SULT1B1: variants seen among roughly 807,000 people sequenced by gnomAD.
SULT1B1 encodes sulfotransferase family 1B member 1.
Under a neutral mutation model 34.6 loss-of-function variants are expected in SULT1B1, and 28 were observed. That is an observed-to-expected ratio of 0.81 (90% CI 0.60 to 1.11). SULT1B1 has a LOEUF of 1.11. SULT1B1 is among the 50% of genes least tolerant of loss of function. SULT1B1 has a pLI of 0.00. For missense variants in SULT1B1, 374 were observed against 352.2 expected (o/e 1.06, Z -0.50); for synonymous variants, 147 against 110.2 (o/e 1.33, Z -2.09).
chr4:69,740,851 A>G (rs1456378673), intron 4 of SULT1B1, among the ~76,000 whole-genome samples: 1 of 152,104 alleles, frequency 6.6e-6, no homozygotes, highest in Non-Finnish European at 1.5e-5. Flanking sequence ...TAGTTTGTAA[A>G]TATTTTCTCG....
intron 7 of SULT1B1, among the ~76,000 whole-genome samples, chr4:69,728,369 C>T (rs1486235904): frequency 2.0e-5 from 3 of 151,984 alleles, no homozygotes; most frequent in South Asian, 2.1e-4. Flanking sequence ...TAATCTATCC[C>T]ACCCTCATAA....
chr4:69,748,574 C>T, intron 4 of SULT1B1, among the ~76,000 whole-genome samples: 1 of 152,134 alleles, frequency 6.6e-6, no homozygotes, highest in East Asian at 1.9e-4. Flanking sequence ...GAATATGCAA[C>T]CTGCTCAAGA....
intron 4 of SULT1B1, 63 bp downstream of exon 4, chr4:69,749,658 A>C (rs962435353): frequency 8.6e-7 from 1 of 1,162,914 alleles, no homozygotes; most frequent in Non-Finnish European, 1.3e-6. Flanking sequence ...TAAAAAATAA[A>C]CTATGTGAGT....
At chr4:69,742,014 T>C (rs1373007379) in intron 4 of SULT1B1, among the ~76,000 whole-genome samples, 1 of 152,212 alleles carries the variant, frequency 6.6e-6, no homozygotes, top group Non-Finnish European at 1.5e-5. Flanking sequence ...TGGTTTGTCA[T>C]AGACTGCTCT....
At chr4:69,741,514 G>T (rs1718552572) in intron 4 of SULT1B1, among the ~76,000 whole-genome samples, 1 of 152,086 alleles carries the variant, frequency 6.6e-6, no homozygotes, top group Non-Finnish European at 1.5e-5. Flanking sequence ...TCCTATACAT[G>T]GGCATGAAAT....
chr4:69,737,640 T>C (rs534819483), intron 4 of SULT1B1, among the ~76,000 whole-genome samples: 1 of 152,054 alleles, frequency 6.6e-6, no homozygotes, highest in Non-Finnish European at 1.5e-5. Flanking sequence ...GTTGACACCA[T>C]TAGACTGTGA....
intron 4 of SULT1B1, among the ~76,000 whole-genome samples, chr4:69,739,709 G>T (rs1299492843): frequency 6.6e-6 from 1 of 152,204 alleles, no homozygotes; most frequent in African/African-American, 2.4e-5. Context: ...GCAGTCAACT[G>T]GCTTGAATTT....
chr4:69,729,703 A>C (rs1043037606), intron 7 of SULT1B1, among the ~76,000 whole-genome samples: 1 of 152,104 alleles, frequency 6.6e-6, no homozygotes, highest in Non-Finnish European at 1.5e-5. Context: ...GTTAATATGC[A>C]TAATACATTC....
chr4:69,723,426 A>T lies in SULT1B1; in HGVS notation c.*3662T>A, dbSNP rs1408634991. 1 of 152,258 alleles carries T rather than the reference A, an allele frequency of 6.6e-6. No homozygotes were observed. The highest frequency in any genetic ancestry group is 1.5e-5 in the Non-Finnish European group (1 of 68,070). 9.4% of individuals were successfully genotyped at this position (152,258 alleles called of 1,614,324 possible). ...GAAGTCCAGGACCAGATAGATTCAC[A>T]GCTGAATTCTACCAGAGGTCCAAGG... On this transcript the variant is annotated 3_prime_UTR_variant, in exon 8 of 8. Coordinates refer to ENST00000310613, the MANE Select transcript of SULT1B1 (RefSeq NM_014465.4).
In SULT1B1 at chr4:69,722,570, C is replaced by A. The variant is rs954755017; in HGVS notation, c.*4518G>T. The stretch of plus-strand genomic sequence containing the variant: ...AATATGTTTCTGTGGAACATAAACA[C>A]AAATTATATACTCTAAAATACTTTA... On this transcript the variant is annotated 3_prime_UTR_variant, in exon 8 of 8. Transcript: ENST00000310613. 3 of 152,048 alleles carry A rather than the reference C, an allele frequency of 2.0e-5. No homozygotes were observed. The highest frequency in any genetic ancestry group is 4.4e-5 in the Non-Finnish European group (3 of 68,000). 9.4% of individuals were successfully genotyped at this position (152,048 alleles called of 1,614,324 possible).
intron 4 of SULT1B1, among the ~76,000 whole-genome samples, chr4:69,746,699 C>A (rs1360376153): frequency 1.3e-5 from 2 of 152,110 alleles, no homozygotes; most frequent in African/African-American, 4.8e-5. Context: ...TCTGTCATTT[C>A]AACAATTTCA....
rs890828625 is a variant in SULT1B1 at position 69,725,758 on chromosome 4, A to C, written c.*1330T>G. ...AAGCTGGAAACCATACTTTTCAGCAAACTATTGCAAGAACAAAAAAACCAA... is the reference window on the plus strand; with the variant it reads ...AAGCTGGAAACCATACTTTTCAGCACACTATTGCAAGAACAAAAAAACCAA... On this transcript the variant is annotated 3_prime_UTR_variant, in exon 8 of 8. Transcript: ENST00000310613. 1 of 151,916 alleles carries C rather than the reference A, an allele frequency of 6.6e-6. No homozygotes were observed. Among genetic ancestry groups the C allele is most frequent in the African/African-American group, 2.4e-5 (1 of 41,376 alleles). The allele number at this position is 151,916 out of a possible 1,614,324, so 9.4% of individuals were successfully genotyped here.
chr4:69,730,264 T>C (rs534260367), intron 7 of SULT1B1, among the ~76,000 whole-genome samples: 1 of 152,182 alleles, frequency 6.6e-6, no homozygotes, highest in Non-Finnish European at 1.5e-5. Flanking sequence ...CACTCTCATT[T>C]AGCACAGTAG....
In SULT1B1 at chr4:69,726,366, T is replaced by C. The variant is rs561934439; in HGVS notation, c.*722A>G. 1.5e-4 allele frequency: 22 copies of C among 151,650 alleles called. No homozygotes were observed. The highest frequency in any genetic ancestry group is 5.3e-4 in the African/African-American group (22 of 41,372). 9.4% of individuals were successfully genotyped at this position (151,650 alleles called of 1,614,324 possible). ...GTGATTTCTCTGAAGTTCAAACGGG[T>C]CTGTTGGGAAAAAGAGGACTCCCCA... On this transcript the variant is annotated 3_prime_UTR_variant, in exon 8 of 8. Transcript: ENST00000310613.
chr4:69,733,129 A>G lies in SULT1B1; in HGVS notation c.597+284T>C, dbSNP rs189554242. ...AATATTAATGAGTAGATATCTAAGG[A>G]TAACTGTAAGCATGTGATATCCTGG... On this transcript the variant is annotated intron_variant, in intron 6 of 7. Coordinates refer to ENST00000310613, the MANE Select transcript of SULT1B1 (RefSeq NM_014465.4). Among the ~76,000 whole-genome samples, 312 of 152,284 alleles carry G rather than the reference A, an allele frequency of 2.0e-3. 2 individuals are homozygous for G. The highest frequency in any genetic ancestry group is 7.4e-3 in the African/African-American group (306 of 41,578).
chr4:69,731,094 T>C (rs1718064791), intron 6 of SULT1B1, among the ~76,000 whole-genome samples: 1 of 152,194 alleles, frequency 6.6e-6, no homozygotes, highest in Non-Finnish European at 1.5e-5. Flanking sequence ...AAAATATTAA[T>C]GATGATAGTA....
chr4:69,729,774 A>G (rs963737073), intron 7 of SULT1B1, among the ~76,000 whole-genome samples: 1 of 152,134 alleles, frequency 6.6e-6, no homozygotes, highest in Non-Finnish European at 1.5e-5. Context: ...CCTCCAATTC[A>G]ATCAAAGATA....
At chr4:69,747,330 A>C (rs748765977) in intron 4 of SULT1B1, among the ~76,000 whole-genome samples, 7 of 152,192 alleles carry the variant, frequency 4.6e-5, no homozygotes, top group Non-Finnish European at 1.0e-4. Flanking sequence ...ATCCATATGC[A>C]AAAGCAAAAA....
intron 4 of SULT1B1, among the ~76,000 whole-genome samples, chr4:69,748,596 A>G (rs1718844744): frequency 6.6e-6 from 1 of 152,234 alleles, no homozygotes; most frequent in South Asian, 2.1e-4. Context: ...CTCAGAAAAC[A>G]TTTAACAAGA....
Sources: allele counts gnomAD v4.1 joint callset (sites outside exome capture counted in the v4.1 genomes callset), GRCh38; gene constraint gnomAD v4.1.1; transcripts MANE v1.5; gene names NCBI Gene and HGNC (gene_info 2026-07-23, HGNC 2026-07-21).